Variants in PHF20 observed in about 807,000 individuals in gnomAD.
PHF20 encodes PHD finger protein 20, also known as glioma-expressed antigen 2.
In PHF20, 23 loss-of-function variants were observed where a neutral mutation model predicts 113.5. That is an observed-to-expected ratio of 0.20 (90% CI 0.15 to 0.29). The LOEUF (loss-of-function observed/expected upper bound fraction) is 0.29. PHF20 is among the 10% of genes least tolerant of loss of function. The pLI is 1.00. For missense variants in PHF20, 943 were observed against 1,219.6 expected, an observed-to-expected ratio of 0.77 and a Z score of 3.38; for synonymous variants, 434 against 457.3, an observed-to-expected ratio of 0.95 and a Z score of 0.65.
At chr20:35,845,447 C>A in intron 3 of PHF20, 1 of 364,890 alleles carries the variant, frequency 2.7e-6, no homozygotes, top group Non-Finnish European at 5.8e-6. Context: ...CTTAATGTAG[C>A]CTTGACCTCT....
At chr20:35,807,029 T>C (rs1294562826) in intron 2 of PHF20, among the ~76,000 whole-genome samples, 2 of 151,982 alleles carry the variant, frequency 1.3e-5, no homozygotes, top group African/African-American at 4.8e-5. Flanking sequence ...TCTCCTGACC[T>C]TGTGATCTGC....
At chr20:35,889,743 T>C (rs529212118) in intron 9 of PHF20, among the ~76,000 whole-genome samples, 74 of 152,180 alleles carry the variant, frequency 4.9e-4, no homozygotes, top group Non-Finnish European at 9.0e-4. Flanking sequence ...TAAAATTATT[T>C]TTGAGACAGG....
Position 35,846,258 on chromosome 20 carries a change from C to T in PHF20, c.256-1092C>T, listed in dbSNP as rs6121064. Among the ~76,000 whole-genome samples the T allele has an allele frequency of 8.1e-3, 1,235 of 151,872 alleles. 18 individuals carry two copies. Among genetic ancestry groups the T allele is most frequent in the African/African-American group, 0.028 (1,170 of 41,376 alleles). On this transcript the variant is annotated intron_variant, in intron 3 of 17. Coordinates refer to ENST00000374012, the MANE Select transcript of PHF20 (RefSeq NM_016436.5). Reference sequence around the variant, plus strand: ...GCAATGGCGCAATCTCGGCTCACTGCAACCTCCACCTCCTGGGTTCAAGTG... The same window carrying T: ...GCAATGGCGCAATCTCGGCTCACTGTAACCTCCACCTCCTGGGTTCAAGTG...
chr20:35,828,985 G>C lies in PHF20; in HGVS notation c.84-13588G>C, dbSNP rs150797586. On this transcript the variant is annotated intron_variant, in intron 2 of 17. Transcript: ENST00000374012. ...GCCAGGAATTCAGGAGCGGCGTAAT[G>C]GGGGGTTGAGGGGGCTTCTGGCCCA... 7.1e-4 allele frequency among the ~76,000 whole-genome samples: 108 copies of C among 152,274 alleles called. 1 individual carries two copies. In the East Asian group the frequency reaches 0.017, roughly 25 times the overall value.
intron 2 of PHF20, among the ~76,000 whole-genome samples, chr20:35,809,909 A>G (rs2041948000): frequency 6.6e-6 from 1 of 152,136 alleles, no homozygotes; most frequent in Admixed American, 6.6e-5. Context: ...CTGACTGTCA[A>G]ACCAAGGACA....
chr20:35,865,725 T>C (rs112739030), intron 6 of PHF20, among the ~76,000 whole-genome samples: 7,380 of 151,998 alleles, frequency 0.049, 232 homozygotes, highest in African/African-American at 0.099. Context: ...TCTCAATCTC[T>C]GGGCCTCAAG....
chr20:35,786,220 C>G (rs1198096993), intron 1 of PHF20, among the ~76,000 whole-genome samples: 1 of 150,578 alleles, frequency 6.6e-6, no homozygotes, highest in East Asian at 2.0e-4. Context: ...AACCCCGTCT[C>G]TACTAAAAAT....
intron 2 of PHF20, among the ~76,000 whole-genome samples, chr20:35,807,837 G>C (rs939126714): frequency 1.3e-4 from 20 of 152,056 alleles, no homozygotes; most frequent in African/African-American, 4.8e-4. Context: ...TTAAAGAATC[G>C]TTAACATTTT....
intron 15 of PHF20, among the ~76,000 whole-genome samples, chr20:35,936,578 C>A (rs2055869656): frequency 6.6e-6 from 1 of 152,116 alleles, no homozygotes; most frequent in East Asian, 1.9e-4. Context: ...CTGTTCTTTT[C>A]TTTAATAACA....
chr20:35,925,429 AT>A (rs2055609185), intron 13 of PHF20, among the ~76,000 whole-genome samples: 1 of 151,398 alleles, frequency 6.6e-6, no homozygotes, highest in South Asian at 2.1e-4. Context: ...TGCCTCCCTA[AT>A]TTTTGTATTT....
At chr20:35,891,739 C>T (rs2054866659) in intron 9 of PHF20, among the ~76,000 whole-genome samples, 1 of 152,158 alleles carries the variant, frequency 6.6e-6, no homozygotes, top group Non-Finnish European at 1.5e-5. Context: ...TATAATTTTT[C>T]ATGTCTCTAA....
chr20:35,826,047 T>A (rs1403828667), intron 2 of PHF20, among the ~76,000 whole-genome samples: 2 of 152,026 alleles, frequency 1.3e-5, no homozygotes, highest in East Asian at 3.9e-4. Flanking sequence ...ATTTTATATA[T>A]GTATGTATGT....
intron 1 of PHF20, among the ~76,000 whole-genome samples, chr20:35,772,946 G>C (rs989480600): frequency 6.6e-6 from 1 of 152,140 alleles, no homozygotes; most frequent in Non-Finnish European, 1.5e-5. Flanking sequence ...CAAACCTGAG[G>C]TTGGGCCGAA....
At chr20:35,943,497 A>T (rs1458161403) in intron 17 of PHF20, among the ~76,000 whole-genome samples, 17 of 90,792 alleles carry the variant, frequency 1.9e-4, no homozygotes, top group Non-Finnish European at 3.3e-4. Context: ...CCATTTCTTT[A>T]AAAAAAAAAA....
At chr20:35,823,161 A>G (rs2042200199) in intron 2 of PHF20, among the ~76,000 whole-genome samples, 1 of 152,194 alleles carries the variant, frequency 6.6e-6, no homozygotes, top group African/African-American at 2.4e-5. Context: ...AAAAAGTACA[A>G]TATTCATAAA....
chr20:35,937,052 C>T (rs1056883953), intron 15 of PHF20, among the ~76,000 whole-genome samples: 1 of 152,046 alleles, frequency 6.6e-6, no homozygotes. Flanking sequence ...TTGGCTGGGT[C>T]CAGAAAGGCA....
Position 35,891,390 on chromosome 20 carries a change from A to AG in PHF20, c.1283-7980_1283-7979insG, listed in dbSNP as rs1258120368. Among the ~76,000 whole-genome samples, 4 of 152,032 alleles carry AG rather than the reference A, an allele frequency of 2.6e-5. No individual in the cohort carries two copies. In the East Asian group the frequency reaches 7.7e-4, roughly 29 times the overall value. On this transcript the variant is annotated intron_variant, in intron 9 of 17. Coordinates refer to ENST00000374012, the MANE Select transcript of PHF20 (RefSeq NM_016436.5). ...AGACTCTATGTCAAAAAAAAAAAAAAAAAGGCAGCACATTGGGTATTTCAA... is the reference window on the plus strand; with the variant it reads ...AGACTCTATGTCAAAAAAAAAAAAAAGAAAGGCAGCACATTGGGTATTTCAA...
In PHF20 at chr20:35,944,557, T is replaced by C. The variant is rs138843554; in HGVS notation, c.2897-2928T>C. 1.1e-4 allele frequency among the ~76,000 whole-genome samples: 16 copies of C among 152,242 alleles called. No homozygotes were observed. The East Asian group carries it at 3.1e-3, about 29-fold the overall frequency. On this transcript the variant is annotated intron_variant, in intron 17 of 17. Coordinates refer to ENST00000374012, the MANE Select transcript of PHF20 (RefSeq NM_016436.5). The stretch of plus-strand genomic sequence containing the variant: ...TCCAGTCCTGACTGCCTTTTGTCCA[T>C]TTATTTATTTTTATTTTATTTTATT...
intron 2 of PHF20, among the ~76,000 whole-genome samples, chr20:35,835,652 G>A (rs945901649): frequency 2.0e-5 from 3 of 152,106 alleles, no homozygotes; most frequent in Non-Finnish European, 2.9e-5. Flanking sequence ...AAAAGAGTCC[G>A]GGCACAGTGG....
Sources: allele counts gnomAD v4.1 joint callset (sites outside exome capture counted in the v4.1 genomes callset), GRCh38; gene constraint gnomAD v4.1.1; transcripts MANE v1.5; gene names NCBI Gene and HGNC (gene_info 2026-07-23, HGNC 2026-07-21).